The following GRPEL1 variants were observed in gnomAD, a reference collection of about 807,000 sequenced individuals.
The protein encoded by GRPEL1 is GrpE like 1, mitochondrial.
A neutral mutation model predicts 22.1 loss-of-function variants in GRPEL1; 13 were observed. That is an observed-to-expected ratio of 0.59 (90% CI 0.38 to 0.94). GRPEL1 has a LOEUF of 0.94. GRPEL1 is among the 40% of genes least tolerant of loss of function. GRPEL1 has a pLI of 0.00. For missense variants in GRPEL1, 289 were observed against 264.6 expected (o/e 1.09, Z -0.64); for synonymous variants, 109 against 105.3 (o/e 1.03, Z -0.21).
chr4:7,065,687 G>A (rs1159425179), intron 1 of GRPEL1, among the ~76,000 whole-genome samples: 1 of 152,132 alleles, frequency 6.6e-6, no homozygotes, highest in African/African-American at 2.4e-5. Context: ...GATAGATGCA[G>A]CTTCAGGAAG....
Position 7,061,193 on chromosome 4 carries a change from C to CAGAA in GRPEL1, c.319_322dup (p.Cys108PhefsTer25). On this transcript the variant is annotated frameshift_variant, in exon 4 of 4. Transcript: ENST00000264954. LOFTEE classifies it high-confidence loss of function. ...GTCTGCCACCTCCAACAAGTCCTTG[C>CAGAA]AGAAGGCTTGAATGCCTGGATGAAG... 1 of 1,610,296 alleles carries CAGAA rather than the reference C, an allele frequency of 6.2e-7. No homozygotes were observed. Among genetic ancestry groups the CAGAA allele is most frequent in the Non-Finnish European group, 8.5e-7 (1 of 1,178,082 alleles).
chr4:7,061,144 A>G lies in GRPEL1; in HGVS notation c.372T>C (p.Cys124=), dbSNP rs745554709. 3.1e-6 allele frequency: 5 copies of G among 1,614,196 alleles called. No homozygotes were observed. The highest frequency in any genetic ancestry group is 1.7e-6 in the Non-Finnish European group (2 of 1,180,040). The change falls in exon 4 of 4, where the codon TGT becomes TGC. Residue 124 remains cysteine (C), a synonymous_variant. Transcript: ENST00000264954. The part of the protein sequence containing the change: ...VADVLEKATQ[C]VPKEEIKDDN... ...CGTCTTTAATTTCTTCTTTTGGAACACACTGTGTTGCCTTCTCCAGAACGT... is the reference window on the plus strand; with the variant it reads ...CGTCTTTAATTTCTTCTTTTGGAACGCACTGTGTTGCCTTCTCCAGAACGT...
chr4:7,067,826 G>C, intron 1 of GRPEL1, 145 bp downstream of exon 1: 6 of 814,392 alleles, frequency 7.4e-6, no homozygotes, highest in Non-Finnish European at 1.2e-5. Flanking sequence ...GGGGCGGTCC[G>C]CGTCCCGCGG....
chr4:7,064,297 A>G, intron 1 of GRPEL1, 74 bp from the exon 2 acceptor site: 5 of 1,467,776 alleles, frequency 3.4e-6, no homozygotes, highest in Non-Finnish European at 4.6e-6. Flanking sequence ...ATGACTTTAG[A>G]AACTTAAAAT....
intron 1 of GRPEL1, among the ~76,000 whole-genome samples, chr4:7,065,608 T>G (rs6814746): frequency 0.95 from 144,301 of 152,078 alleles, 68,630 homozygotes; most frequent in East Asian, 1. Flanking sequence ...GCTTGGGGAA[T>G]GGAAAACCAT....
At chr4:7,064,306 A>G in intron 1 of GRPEL1, 83 bp from the exon 2 acceptor site, 1 of 1,414,802 alleles carries the variant, frequency 7.1e-7, no homozygotes, top group East Asian at 2.3e-5. Flanking sequence ...GAAACTTAAA[A>G]TAGCTTCAAA....
chr4:7,064,391 C>A, intron 1 of GRPEL1, 168 bp from the exon 2 acceptor site: 1 of 566,332 alleles, frequency 1.8e-6, no homozygotes, highest in Non-Finnish European at 3.0e-6. Flanking sequence ...CATATAGAAG[C>A]TATATTAGTA....
At position 7,060,883 on chromosome 4, in the gene GRPEL1, C is replaced by T. The variant is rs1197308194; in HGVS notation, c.633G>A (p.Val211=). Residue 211 remains valine (V), a synonymous_variant, in exon 4 of 4, where the codon GTG becomes GTA. Transcript: ENST00000264954. ...LHGRTLRPAL[V]GVVKEA ...GCAGCTAAGCTTCCTTCACCACCCC[C>T]ACCAGGGCGGGTCTCAGAGTGCGCC... 1.2e-6 allele frequency: 2 copies of T among 1,613,002 alleles called. No individual in the cohort carries two copies. The highest frequency in any genetic ancestry group is 1.7e-5 in the Admixed American group (1 of 59,942).
chr4:7,067,925 G>A, intron 1 of GRPEL1, 46 bp downstream of exon 1: 1 of 1,593,822 alleles, frequency 6.3e-7, no homozygotes, highest in Non-Finnish European at 8.6e-7. Context: ...ATCGGAGCGG[G>A]AGGTCGCGCT....
intron 1 of GRPEL1, among the ~76,000 whole-genome samples, chr4:7,066,100 G>A (rs550638010): frequency 4.6e-5 from 7 of 152,148 alleles, no homozygotes; most frequent in South Asian, 4.2e-4. Flanking sequence ...CTCGTGATCC[G>A]CCCGCACCCG....
intron 1 of GRPEL1, chr4:7,067,690 T>A: frequency 2.0e-6 from 1 of 507,924 alleles, no homozygotes; most frequent in Non-Finnish European, 3.5e-6. Context: ...CACGCGCACG[T>A]GGGCCACCGT....
At chr4:7,064,376 CG>C (rs201108802) in intron 1 of GRPEL1, 153 bp from the exon 2 acceptor site, 16,419 of 656,242 alleles carry the variant, frequency 0.025, 308 homozygotes, top group Non-Finnish European at 0.027. Context: ...GCACACTGTA[CG>C]TGACATATAG....
chr4:7,063,592 T>C (rs1034896190), intron 2 of GRPEL1, among the ~76,000 whole-genome samples: 1 of 152,228 alleles, frequency 6.6e-6, no homozygotes, highest in Non-Finnish European at 1.5e-5. Flanking sequence ...CAGGGTTTGA[T>C]GTCTTTCTCA....
At chr4:7,066,530 TGGG>T (rs1023908547) in intron 1 of GRPEL1, among the ~76,000 whole-genome samples, 2 of 152,204 alleles carry the variant, frequency 1.3e-5, no homozygotes, top group African/African-American at 4.8e-5. Context: ...AGTCTTGCCA[TGGG>T]GGTGGAGAGC....
At chr4:7,062,062 G>A (rs1403231162) in intron 3 of GRPEL1, 1 of 179,290 alleles carries the variant, frequency 5.6e-6, no homozygotes, top group Non-Finnish European at 1.2e-5. Context: ...AGCATGCTGG[G>A]AGTTCTGAAG....
At position 7,067,684 on chromosome 4, in the gene GRPEL1, C is replaced by T. The variant is rs1370570907; in HGVS notation, c.62+287G>A. 1.6e-5 allele frequency: 8 copies of T among 501,920 alleles called. No individual in the cohort carries two copies. In the East Asian group the frequency reaches 2.9e-4, roughly 18 times the overall value. 31.1% of individuals were successfully genotyped at this position (501,920 alleles called of 1,614,324 possible). On this transcript the variant is annotated intron_variant, in intron 1 of 3. Transcript: ENST00000264954. ...GTCGCCGCAGGCCCTGGACCACACG[C>T]GCACGTGGGCCACCGTACCTTCCGA...
chr4:7,066,196 C>T (rs1474953638), intron 1 of GRPEL1, among the ~76,000 whole-genome samples: 3 of 152,116 alleles, frequency 2.0e-5, no homozygotes, highest in Admixed American at 6.6e-5. Context: ...ACTGCTTCAA[C>T]GAATAGGAAG....
Position 7,064,084 on chromosome 4 carries a change from C to G in GRPEL1, c.202G>C (p.Glu68Gln). ...ACCACAGTCTCCTTCAGCTGTTCCT[C>G]CAACTTGACCTTCTCTTCCAGGAGG... ...KTLLEEKVKL[E>Q]EQLKETVEKY... Residue 68 changes from glutamate (E) to glutamine (Q), a missense_variant, in exon 2 of 4, where the codon GAG becomes CAG. Coordinates refer to ENST00000264954, the MANE Select transcript of GRPEL1 (RefSeq NM_025196.4). 1.9e-6 allele frequency: 3 copies of G among 1,614,216 alleles called. No homozygotes were observed. The highest frequency in any genetic ancestry group is 2.5e-6 in the Non-Finnish European group (3 of 1,180,038).
intron 1 of GRPEL1, chr4:7,067,611 G>A (rs917250722): frequency 6.0e-6 from 2 of 334,454 alleles, no homozygotes; most frequent in Non-Finnish European, 1.1e-5. Context: ...CACAAGTTGC[G>A]GCTGCCTCTG....
Sources: gnomAD v4.1 joint callset for allele counts (sites outside exome capture counted in the v4.1 genomes callset) on GRCh38, gnomAD v4.1.1 for gene constraint, MANE v1.5 for transcripts, NCBI Gene and HGNC (gene_info 2026-07-23, HGNC 2026-07-21) for gene names.